Variants in TRPT1 observed in about 807,000 individuals in gnomAD.
TRPT1 encodes the protein tRNA phosphotransferase 1.
A neutral mutation model predicts 28.4 loss-of-function variants in TRPT1; 22 were observed. The ratio of observed to expected loss-of-function variants is 0.78; its 90% CI spans 0.55 to 1.11. TRPT1 has a LOEUF of 1.11. Ranked by LOEUF, TRPT1 falls within the 50% of genes least tolerant of loss-of-function variation. The pLI, the probability that TRPT1 is intolerant of heterozygous loss-of-function variation, is 0.00. For missense variants in TRPT1, 308 were observed against 317.7 expected (o/e 0.97, Z 0.23); for synonymous variants, 137 against 132.4 (o/e 1.03, Z -0.24).
intron 5 of TRPT1, 35 bp from the exon 6 acceptor site, chr11:64,224,376 TG>T: frequency 6.2e-7 from 1 of 1,612,782 alleles, no homozygotes; most frequent in Non-Finnish European, 8.5e-7. Flanking sequence ...CCTGGGCACC[TG>T]GAGTGCAGTC....
In TRPT1 at chr11:64,225,774, G is replaced by A. The variant is rs2134958934; in HGVS notation, c.75+12C>T. 1.3e-6 allele frequency: 2 copies of A among 1,544,332 alleles called. No individual in the cohort carries two copies. Among genetic ancestry groups the A allele is most frequent in the Non-Finnish European group, 1.8e-6 (2 of 1,142,312 alleles). The stretch of plus-strand genomic sequence containing the variant: ...CTGGACTGGTGGGAGGGGGTGGGGA[G>A]GAGGCGCGCACCTGTTCTCGGGGTC... On this transcript the variant is annotated intron_variant, in intron 2 of 7. Coordinates refer to ENST00000317459, the MANE Select transcript of TRPT1 (RefSeq NM_001033678.4).
intron 5 of TRPT1, 69 bp downstream of exon 5, chr11:64,224,474 G>A (rs1946843772): frequency 1.1e-5 from 17 of 1,582,610 alleles, no homozygotes; most frequent in Admixed American, 5.2e-5. Flanking sequence ...GACAAGTGTT[G>A]TAACCTTTGA....
At chr11:64,225,303 T>C in intron 3 of TRPT1, 196 bp downstream of exon 3, 1 of 620,030 alleles carries the variant, frequency 1.6e-6, no homozygotes, top group South Asian at 2.0e-5. Flanking sequence ...TCACCAGGCC[T>C]GGCCCAGACA....
chr11:64,225,108 C>T, intron 3 of TRPT1, 138 bp from the exon 4 acceptor site: 1 of 988,172 alleles, frequency 1.0e-6, no homozygotes, highest in South Asian at 1.7e-5. Flanking sequence ...AGAAAGTCTC[C>T]CCTTTCTGGG....
intron 3 of TRPT1, 40 bp downstream of exon 3, chr11:64,225,459 T>C: frequency 6.4e-7 from 1 of 1,566,088 alleles, no homozygotes; most frequent in Non-Finnish European, 8.7e-7. Context: ...CTCACGTTTC[T>C]CTCTGGGCTC....
In TRPT1 at chr11:64,225,873, T is replaced by C. The variant is rs1565307347; in HGVS notation, c.-9-4A>G. 1.9e-6 allele frequency: 3 copies of C among 1,540,614 alleles called. No individual in the cohort carries two copies. The highest frequency in any genetic ancestry group is 1.8e-6 in the Non-Finnish European group (2 of 1,136,746). Reference sequence around the variant, plus strand: ...CAGAGAAGTTCATGGTTAAGACCTGTGGGGGGCAGTGACGAGGGGGGACTG... The same window carrying C: ...CAGAGAAGTTCATGGTTAAGACCTGCGGGGGGCAGTGACGAGGGGGGACTG... On this transcript the variant is annotated splice_region_variant and splice_polypyrimidine_tract_variant and intron_variant, in intron 1 of 7. Coordinates refer to ENST00000317459, the MANE Select transcript of TRPT1 (RefSeq NM_001033678.4).
At position 64,225,115 on chromosome 11, in the gene TRPT1, T is replaced by C. The variant is rs1341678849; in HGVS notation, c.158-145A>G. On this transcript the variant is annotated intron_variant, in intron 3 of 7. Transcript: ENST00000317459. Reference sequence around the variant, plus strand: ...GGACCTTTAGAAAGTCTCCCCTTTCTGGGCCGCAGTTTTTTCAACTTACAT... The same window carrying C: ...GGACCTTTAGAAAGTCTCCCCTTTCCGGGCCGCAGTTTTTTCAACTTACAT... The C allele has an allele frequency of 2.8e-5, 26 of 916,738 alleles. No homozygotes were observed. The East Asian group carries it at 6.7e-4, about 23-fold the overall frequency. The allele number at this position is 916,738 out of a possible 1,614,324, so 56.8% of individuals were successfully genotyped here.
In TRPT1 at chr11:64,224,823, G is replaced by T. The variant is rs1332236527; in HGVS notation, c.305C>A (p.Ala102Asp). Residue 102 changes from alanine (A) to aspartate (D), a missense_variant, in exon 4 of 8, where the codon GCC becomes GAC. By Grantham distance (126) the Ala-to-Asp change is moderately radical (BLOSUM62 -2). Transcript: ENST00000317459. ...GDPSTGLLIR[A>D]NQGHSLQVPK... ...GACCTGCAGGGAATGGCCCTGGTTGGCCCGGATGAGAAGGCCAGTGCTGGG... is the reference window on the plus strand; with the variant it reads ...GACCTGCAGGGAATGGCCCTGGTTGTCCCGGATGAGAAGGCCAGTGCTGGG... The T allele has an allele frequency of 6.2e-7, 1 of 1,613,846 alleles. No individual in the cohort carries two copies. The highest frequency in any genetic ancestry group is 8.5e-7 in the Non-Finnish European group (1 of 1,179,994).
chr11:64,224,525 G>A lies in TRPT1; in HGVS notation c.502+18C>T. ...ACAGAGTGGGTGGGAGTAGCTAGGT[G>A]GAGGGGAGGGCACTGACCACTGATG... On this transcript the variant is annotated intron_variant, in intron 5 of 7. Transcript: ENST00000317459. 6.4e-7 allele frequency: 1 copy of A among 1,562,820 alleles called. No homozygotes were observed. The highest frequency in any genetic ancestry group is 8.7e-7 in the Non-Finnish European group (1 of 1,151,084).
In TRPT1 at chr11:64,224,943, A is replaced by G. The variant is rs957724809; in HGVS notation, c.185T>C (p.Leu62Pro). Residue 62 changes from leucine to proline, a missense_variant, in exon 4 of 8, where the codon CTG (leucine) becomes CCG (proline). Leu to Pro is a moderately conservative substitution (Grantham distance 98). Transcript: ENST00000317459. ...ADGFVPLGTL[L>P]QLPQFRGFSA... ...GAAGCCGCGGAACTGGGGCAACTGCAGGAGGGTGCCCAGGGGCACGAAGCC... is the reference window on the plus strand; with the variant it reads ...GAAGCCGCGGAACTGGGGCAACTGCGGGAGGGTGCCCAGGGGCACGAAGCC... 6.4e-7 allele frequency: 1 copy of G among 1,570,184 alleles called. No homozygotes were observed. The highest frequency in any genetic ancestry group is 1.9e-5 in the Admixed American group (1 of 53,342).
At position 64,225,594 on chromosome 11, in the gene TRPT1, G is replaced by GC; in HGVS notation, c.76-15dup. ...CACGTCTCGGTCCTGAAAGAACCCA[G>GC]CGGTGGCCCCTAGTCTCCATGGTGA... is the stretch of plus-strand genomic sequence containing the variant. On this transcript the variant is annotated splice_polypyrimidine_tract_variant and intron_variant, in intron 2 of 7. Transcript: ENST00000317459. 6.2e-7 allele frequency: 1 copy of GC among 1,605,504 alleles called. No homozygotes were observed. Among genetic ancestry groups the GC allele is most frequent in the Non-Finnish European group, 8.5e-7 (1 of 1,176,126 alleles).
Position 64,225,730 on chromosome 11 carries a change from C to G in TRPT1, c.75+56G>C, listed in dbSNP as rs1038863740. 23 of 1,442,728 alleles carry G rather than the reference C, an allele frequency of 1.6e-5. No homozygotes were observed. In the African/African-American group the frequency reaches 2.5e-4, roughly 16 times the overall value. The allele number at this position is 1,442,728 out of a possible 1,614,324, so 89.4% of individuals were successfully genotyped here. A position where few individuals can be genotyped will look rare whatever the true frequency, so the allele number is the denominator to read the frequency against. ...TAGTAGGACCCTTCAGCTCCGCCCCCCAGCAACTCCCAGGGAGCCTGGACT... is the reference window on the plus strand; with the variant it reads ...TAGTAGGACCCTTCAGCTCCGCCCCGCAGCAACTCCCAGGGAGCCTGGACT... On this transcript the variant is annotated intron_variant, in intron 2 of 7. Transcript: ENST00000317459.
At chr11:64,223,803 G>C, downstream of TRPT1, 1 of 1,098,064 alleles carries the variant, frequency 9.1e-7, no homozygotes, top group Non-Finnish European at 1.3e-6. Context: ...TGTAGCTACA[G>C]GATGATGAAA....
chr11:64,224,437 C>A, intron 5 of TRPT1, 96 bp from the exon 6 acceptor site: 1 of 1,597,176 alleles, frequency 6.3e-7, no homozygotes, highest in Non-Finnish European at 8.6e-7. Flanking sequence ...AGGGGTGCTG[C>A]TCCATGCCGG....
At chr11:64,225,412 C>T in intron 3 of TRPT1, 87 bp downstream of exon 3, 3 of 1,113,790 alleles carry the variant, frequency 2.7e-6, no homozygotes, top group South Asian at 2.8e-5. Flanking sequence ...CCTCAGGGAG[C>T]GGTGGAGGCA....
At chr11:64,225,613 ATGG>A (rs1946955831) in intron 2 of TRPT1, 33 bp from the exon 3 acceptor site, 1 of 1,586,512 alleles carries the variant, frequency 6.3e-7, no homozygotes, top group African/African-American at 1.3e-5. Flanking sequence ...CCTAGTCTCC[ATGG>A]TGACCCTGCC....
rs1157755143 is a variant in TRPT1, at chr11:64,224,844, C to T, written c.284G>A (p.Ser95Asn). 6.2e-7 allele frequency: 1 copy of T among 1,613,494 alleles called. No homozygotes were observed. Among genetic ancestry groups the T allele is most frequent in the Non-Finnish European group, 8.5e-7 (1 of 1,179,988 alleles). Residue 95 changes from serine (S) to asparagine (N), a missense_variant, in exon 4 of 8, where the codon AGC becomes AAC. Transcript: ENST00000317459. ...QRFALQLGDP[S>N]TGLLIRANQG... ...GTTGGCCCGGATGAGAAGGCCAGTG[C>T]TGGGATCCCCCAGCTGCAGGGCGAA...
intron 5 of TRPT1, 21 bp from the exon 6 acceptor site, chr11:64,224,362 G>A: frequency 2.5e-6 from 4 of 1,613,280 alleles, no homozygotes; most frequent in African/African-American, 1.3e-5. Context: ...AGCTGGAGCT[G>A]AGGCCTGGGC....
At chr11:64,224,991 C>T in intron 3 of TRPT1, 21 bp from the exon 4 acceptor site, 1 of 1,547,414 alleles carries the variant, frequency 6.5e-7, no homozygotes, top group Non-Finnish European at 8.7e-7. Flanking sequence ...GCAGGGTGCT[C>T]AGGAGCTAAC....
Sources: gnomAD v4.1 joint callset for allele counts on GRCh38, gnomAD v4.1.1 for gene constraint, MANE v1.5 for transcripts, NCBI Gene and HGNC (gene_info 2026-07-23, HGNC 2026-07-21) for gene names.